Variants in FNBP4 observed in about 807,000 individuals in gnomAD.
FNBP4 encodes the protein formin binding protein 4.
FNBP4 carries 34 observed loss-of-function variants against 119.3 expected under a neutral mutation model. The ratio of observed to expected loss-of-function variants is 0.28; its 90% CI spans 0.22 to 0.38. FNBP4 has a LOEUF of 0.38. Among genes scored for constraint, FNBP4 ranks in the 10% least tolerant of loss-of-function variants. FNBP4 has a pLI of 1.00. For missense variants in FNBP4, 1,112 were observed against 1,228.9 expected (o/e 0.90, Z 1.42); for synonymous variants, 462 against 430.6 (o/e 1.07, Z -0.90).
At position 47,767,065 on chromosome 11, in the gene FNBP4, T is replaced by G. The variant is rs762470497; in HGVS notation, c.220+4A>C. ...CGAGTTCAGGTCCCCCCGCGCACCC[T>G]TGCCTTCTGAAGGCGAGTCGTCCGA... is the stretch of plus-strand genomic sequence containing the variant. On this transcript the variant is annotated splice_donor_region_variant and intron_variant, in intron 1 of 16. Transcript: ENST00000263773. 1.8e-5 allele frequency: 27 copies of G among 1,526,726 alleles called. No individual in the cohort carries two copies. The highest frequency in any genetic ancestry group is 2.0e-5 in the Non-Finnish European group (23 of 1,143,544). The allele number at this position is 1,526,726 out of a possible 1,614,324, so 94.6% of individuals were successfully genotyped here.
chr11:47,739,568 T>C (rs1019014458), intron 8 of FNBP4, among the ~76,000 whole-genome samples: 2 of 152,168 alleles, frequency 1.3e-5, no homozygotes, highest in Admixed American at 1.3e-4. Context: ...ATAAAATATA[T>C]TCATCAGGAT....
intron 1 of FNBP4, 115 bp downstream of exon 1, chr11:47,766,954 G>A: frequency 7.2e-7 from 1 of 1,384,064 alleles, no homozygotes; most frequent in Non-Finnish European, 9.3e-7. Flanking sequence ...GCCCGCAGCA[G>A]GCAGGCCTCG....
chr11:47,723,740 T>A (rs1236551212), intron 14 of FNBP4, among the ~76,000 whole-genome samples: 11 of 152,160 alleles, frequency 7.2e-5, no homozygotes, highest in Non-Finnish European at 1.3e-4. Flanking sequence ...ATTTTTGGTC[T>A]TTTTTGTAGA....
In FNBP4 at chr11:47,736,603, G is replaced by A. The variant is rs1245866740; in HGVS notation, c.1581+13C>T. On this transcript the variant is annotated intron_variant, in intron 9 of 16. Transcript: ENST00000263773. ...ATAAAAATTTGTCAAGTTGCATTAAGTAATATACATACTTTCAAATCCTGT... is the reference window on the plus strand; with the variant it reads ...ATAAAAATTTGTCAAGTTGCATTAAATAATATACATACTTTCAAATCCTGT... 1.9e-6 allele frequency: 3 copies of A among 1,569,666 alleles called. No homozygotes were observed. The highest frequency in any genetic ancestry group is 2.6e-6 in the Non-Finnish European group (3 of 1,153,144).
intron 16 of FNBP4, among the ~76,000 whole-genome samples, chr11:47,717,806 T>C (rs1359363564): frequency 1.3e-5 from 2 of 152,168 alleles, no homozygotes; most frequent in East Asian, 1.9e-4. Flanking sequence ...TGGAGTGCAA[T>C]GGTGCGATCT....
chr11:47,719,963 G>A lies in FNBP4; in HGVS notation c.2929C>T (p.Arg977Ter). The stretch of plus-strand genomic sequence containing the variant: ...TGCTGCTGTTTCCACTCTTCAATTC[G>A]CTTCTGTGCAGTTGATTCCCGATCC... ...EEDRESTAQK[R>*]IEEWKQQQLV... The change falls in exon 16 of 17, where the codon CGA (arginine) becomes TGA (stop). Residue 977 changes from arginine (R) to a stop codon, truncating the protein, a stop_gained. Transcript: ENST00000263773. LOFTEE classifies it high-confidence loss of function. 6.2e-7 allele frequency: 1 copy of A among 1,613,346 alleles called. No homozygotes were observed. Among genetic ancestry groups the A allele is most frequent in the Non-Finnish European group, 8.5e-7 (1 of 1,179,736 alleles).
chr11:47,746,165 A>C lies in FNBP4; in HGVS notation c.1136T>G (p.Ile379Arg). ...AAGATCCTCCTGAGAAGGGTCTTCT[A>C]TATTGTCCAACATAATTTCCTGTGG... ...VKPQEIMLDN[I>R]EDPSQEDLCS... is the part of the protein sequence containing the mutation. Residue 379 changes from isoleucine (I) to arginine (R), a missense_variant, in exon 7 of 17, where the codon ATA becomes AGA. Around this residue, in one of 2 missense-constraint regions of FNBP4, gnomAD observed 826 missense variants for 988.8 expected, o/e 0.84. Coordinates refer to ENST00000263773, the MANE Select transcript of FNBP4 (RefSeq NM_015308.5). The C allele has an allele frequency of 6.2e-7, 1 of 1,614,188 alleles. No individual in the cohort carries two copies. Among genetic ancestry groups the C allele is most frequent in the Non-Finnish European group, 8.5e-7 (1 of 1,180,030 alleles).
chr11:47,733,518 A>T (rs2097570062), intron 10 of FNBP4, among the ~76,000 whole-genome samples: 1 of 152,026 alleles, frequency 6.6e-6, no homozygotes, highest in African/African-American at 2.4e-5. Flanking sequence ...TATTTTTAGT[A>T]GAGATGGAGT....
rs143964954 is a variant in FNBP4 at position 47,755,666 on chromosome 11, A to G, written c.314-1002T>C. ...AAAAAAAAAGGGAAAAGGAAAAAGAATAAAAATTTAGCCGAGCATACGGCT... is the reference window on the plus strand; with the variant it reads ...AAAAAAAAAGGGAAAAGGAAAAAGAGTAAAAATTTAGCCGAGCATACGGCT... On this transcript the variant is annotated intron_variant, in intron 2 of 16. Transcript: ENST00000263773. Among the ~76,000 whole-genome samples, 1,405 of 151,616 alleles carry G rather than the reference A, an allele frequency of 9.3e-3. 10 individuals are homozygous for G. Among genetic ancestry groups the G allele is most frequent in the Middle Eastern group, 0.017 (5 of 294 alleles).
In FNBP4 at chr11:47,746,250, G is replaced by T; in HGVS notation, c.1051C>A (p.Pro351Thr). ...CTTGTTTCTTTTACTTCTGAAACTG[G>T]CTCCTCTTTACAAATTACTTTTCTT... ...WRRKVICKEEPVSEVKETSTT... is the reference protein window; with the variant it reads ...WRRKVICKEETVSEVKETSTT... The change falls in exon 7 of 17, where the codon CCA becomes ACA. Residue 351 changes from proline to threonine, a missense_variant. Physicochemically the swap from Pro to Thr is conservative, Grantham distance 38. Around this residue, in one of 2 missense-constraint regions of FNBP4, gnomAD observed 826 missense variants for 988.8 expected, o/e 0.84. Transcript: ENST00000263773. 6.2e-7 allele frequency: 1 copy of T among 1,614,054 alleles called. No homozygotes were observed. The highest frequency in any genetic ancestry group is 1.1e-5 in the South Asian group (1 of 91,084).
chr11:47,738,606 A>G (rs1027259469), intron 8 of FNBP4, among the ~76,000 whole-genome samples: 1 of 152,144 alleles, frequency 6.6e-6, no homozygotes, highest in Non-Finnish European at 1.5e-5. Context: ...AAATACCTCA[A>G]ATGTGAAAAC....
intron 6 of FNBP4, among the ~76,000 whole-genome samples, chr11:47,750,380 T>A (rs1160870589): frequency 2.7e-3 from 2 of 748 alleles, no homozygotes; most frequent in Non-Finnish European, 6.4e-3. Flanking sequence ...AGACTCCATA[T>A]CAAAAAAAAA....
chr11:47,753,029 C>G lies in FNBP4; in HGVS notation c.524G>C (p.Arg175Pro). ...TGTTGCTGCTTCCTTTGGCTCTGGT[C>G]GAGGTGGAGTTGGAGGTGGAGCAGA... The part of the protein sequence containing the change: ...GASAPPPTPP[R>P]PEPKEAATST... The change falls in exon 4 of 17, where the codon CGA becomes CCA. Residue 175 changes from arginine (R) to proline (P), a missense_variant. Transcript: ENST00000263773. 3.7e-6 allele frequency: 6 copies of G among 1,613,932 alleles called. No individual in the cohort carries two copies. Among genetic ancestry groups the G allele is most frequent in the Non-Finnish European group, 4.2e-6 (5 of 1,179,988 alleles).
rs1352434121 is a variant in FNBP4 at position 47,744,109 on chromosome 11, G to A, written c.1300C>T (p.Arg434Cys). The change falls in exon 8 of 17, where the codon CGT becomes TGT. Residue 434 changes from arginine to cysteine, a missense_variant. Arg to Cys is a radical substitution (Grantham distance 180, BLOSUM62 -3). Transcript: ENST00000263773. ...GDGSVSGSSP[R>C]SDISQPASQD... ...GATGCTGGCTGGCTGATATCAGAAC[G>A]TGGACTAGACCCTGACACACTACCA... 5.6e-6 allele frequency: 9 copies of A among 1,614,006 alleles called. No individual in the cohort carries two copies. The highest frequency in any genetic ancestry group is 6.8e-6 in the Non-Finnish European group (8 of 1,180,020).
chr11:47,755,286 C>T (rs1031605714), intron 2 of FNBP4, among the ~76,000 whole-genome samples: 10 of 151,662 alleles, frequency 6.6e-5, no homozygotes, highest in Non-Finnish European at 1.2e-4. Flanking sequence ...CCTGTCTCTA[C>T]TAAAAATACA....
chr11:47,751,102 A>G, intron 5 of FNBP4, 41 bp downstream of exon 5: 1 of 1,613,224 alleles, frequency 6.2e-7, no homozygotes, highest in Non-Finnish European at 8.5e-7. Context: ...ATAAGGCTTC[A>G]ATTTCCTTCT....
chr11:47,751,097 GCTTCAATTTC>G, intron 5 of FNBP4, 36 bp downstream of exon 5: 1 of 1,612,776 alleles, frequency 6.2e-7, no homozygotes, highest in Non-Finnish European at 8.5e-7. Context: ...AAAAGATAAG[GCTTCAATTTC>G]CTTCTAGGCA....
chr11:47,746,066 TCCAA>T lies in FNBP4; in HGVS notation c.1231_1234del (p.Leu411LysfsTer84). ...CTTTCAAAAGCTTACTTTTTTCCTT[TCCAA>T]AACTAGCTCCAGTTCAAGGGTATCT... On this transcript the variant is annotated frameshift_variant, in exon 7 of 17. Coordinates refer to ENST00000263773, the MANE Select transcript of FNBP4 (RefSeq NM_015308.5). LOFTEE classifies it high-confidence loss of function. The T allele has an allele frequency of 6.3e-7, 1 of 1,596,700 alleles. No individual in the cohort carries two copies. The highest frequency in any genetic ancestry group is 1.4e-5 in the African/African-American group (1 of 73,732).
chr11:47,743,418 G>A (rs1308252511), intron 8 of FNBP4, among the ~76,000 whole-genome samples: 1 of 152,100 alleles, frequency 6.6e-6, no homozygotes, highest in Non-Finnish European at 1.5e-5. Flanking sequence ...GGGAGGCGGA[G>A]GTTGCAGTGA....
Sources: gnomAD v4.1 joint callset for allele counts (sites outside exome capture counted in the v4.1 genomes callset) on GRCh38, gnomAD v4.1.1 for gene constraint, gnomAD v4.1.1 regional missense constraint, MANE v1.5 for transcripts, NCBI Gene and HGNC (gene_info 2026-07-23, HGNC 2026-07-21) for gene names.